The following CCNB3 variants were observed in gnomAD, a reference collection of about 807,000 sequenced individuals.
The protein encoded by CCNB3 is G2/mitotic-specific cyclin-B3.
In CCNB3, 12 loss-of-function variants were observed where a neutral mutation model predicts 68.0. That is an observed-to-expected ratio of 0.18 (90% CI 0.11 to 0.29). The LOEUF is 0.29. Among genes scored for constraint, CCNB3 ranks in the 10% least tolerant of loss-of-function variants. The pLI, the probability that CCNB3 is intolerant of heterozygous loss-of-function variation, is 1.00. For synonymous variants in CCNB3, 354 were observed against 388.9 expected (o/e 0.91, Z 1.06); for missense variants, 904 against 993.1 (o/e 0.91, Z 1.21).
chrX:50,294,864 C>T lies in CCNB3; in HGVS notation c.206C>T (p.Ala69Val). The T allele has an allele frequency of 8.4e-7, 1 of 1,188,156 alleles. No homozygotes were observed. Among genetic ancestry groups the T allele is most frequent in the African/African-American group, 1.8e-5 (1 of 56,210 alleles). ...KRSAFEDLTNASQCQPVQPKK... is the reference protein window; with the variant it reads ...KRSAFEDLTNVSQCQPVQPKK... ...CCCAACCCACCTTTTTTTTTGCAGG[C>T]TTCTCAATGTCAACCTGTCCAGCCC... The change falls in exon 5 of 13, where the codon GCT becomes GTT. Residue 69 changes from alanine to valine, a missense_variant and splice_region_variant. By Grantham distance (64) the Ala-to-Val change is moderately conservative (BLOSUM62 0). Coordinates refer to ENST00000376042, the MANE Select transcript of CCNB3 (RefSeq NM_033031.3).
At chrX:50,340,109 A>G (rs1923047607) in intron 8 of CCNB3, among the ~76,000 whole-genome samples, 1 of 112,042 alleles carries the variant, frequency 8.9e-6, no homozygotes. Context: ...CTGAACCATT[A>G]TATTTGACCA....
chrX:50,320,356 G>C (rs1365778532), intron 8 of CCNB3, among the ~76,000 whole-genome samples: 1 of 110,608 alleles, frequency 9.0e-6, no homozygotes, highest in Non-Finnish European at 1.9e-5. Flanking sequence ...TTGGTAGTTT[G>C]TGGTTTTCAA....
intron 1 of CCNB3, among the ~76,000 whole-genome samples, chrX:50,220,306 T>C (rs1935647444): frequency 8.9e-6 from 1 of 111,761 alleles, no homozygotes; most frequent in African/African-American, 3.3e-5. Context: ...AATACTATGC[T>C]GAATAGGAGT....
At chrX:50,288,108 A>G (rs1330148458) in intron 3 of CCNB3, among the ~76,000 whole-genome samples, 4 of 107,122 alleles carry the variant, frequency 3.7e-5, no homozygotes, top group Non-Finnish European at 7.6e-5. Context: ...ATTCTACATT[A>G]TGGCGAGTTA....
At chrX:50,281,013 C>T (rs1424892241) in intron 1 of CCNB3, among the ~76,000 whole-genome samples, 2 of 110,630 alleles carry the variant, frequency 1.8e-5, no homozygotes, top group East Asian at 2.8e-4. Context: ...CGCCCCAACT[C>T]GCTCTCCCAA....
rs145542906 is a variant in CCNB3 at position 50,342,160 on chromosome X, C to G, written c.3517-42C>G. 1.8e-3 allele frequency: 2,210 copies of G among 1,205,588 alleles called. 31 individuals carry two copies. In the African/African-American group the frequency reaches 0.035, roughly 19 times the overall value. Reference sequence around the variant, plus strand: ...GATCTGTCTGGAGGCGACTTTGGAGCTGGACAATATGCAGATCTGTGTCGT... The same window carrying G: ...GATCTGTCTGGAGGCGACTTTGGAGGTGGACAATATGCAGATCTGTGTCGT... On this transcript the variant is annotated intron_variant, in intron 8 of 12. Transcript: ENST00000376042.
Position 50,343,564 on chromosome X carries a change from G to A in CCNB3, c.3654+1225G>A, listed in dbSNP as rs782509298. On this transcript the variant is annotated intron_variant, in intron 9 of 12. Transcript: ENST00000376042. ...ACAAAAAAATAAAGCAGATTAGCTG[G>A]GTATTGTGGCACATACCTGTGGTCC... Among the ~76,000 whole-genome samples the A allele has an allele frequency of 3.6e-5, 4 of 111,310 alleles. No homozygotes were observed. In the South Asian group the frequency reaches 1.2e-3, roughly 32 times the overall value.
At chrX:50,291,440 T>C (rs1557210098) in intron 4 of CCNB3, among the ~76,000 whole-genome samples, 1 of 111,505 alleles carries the variant, frequency 9.0e-6, no homozygotes, top group African/African-American at 3.3e-5. Flanking sequence ...TTATGTATTC[T>C]TTTTGTAGAG....
chrX:50,309,664 G>A lies in CCNB3; in HGVS notation c.1495G>A (p.Gly499Arg). 1 of 1,210,158 alleles carries A rather than the reference G, an allele frequency of 8.3e-7. No individual in the cohort carries two copies. Among genetic ancestry groups the A allele is most frequent in the Non-Finnish European group, 1.1e-6 (1 of 895,030 alleles). The change falls in exon 6 of 13, where the codon GGG becomes AGG. Residue 499 changes from glycine to arginine, a missense_variant. This residue lies in a region of CCNB3 where 619 missense variants were observed against 609.8 expected (regional missense o/e 1.02). Coordinates refer to ENST00000376042, the MANE Select transcript of CCNB3 (RefSeq NM_033031.3). ...LILKRKHATQ[G>R]TMSHLKKPLI... ...TTTAAAGAGGAAGCATGCCACTCAG[G>A]GGACAATGTCCCACTTGAAGAAACC...
At chrX:50,299,955 C>T (rs1428059741) in intron 5 of CCNB3, among the ~76,000 whole-genome samples, 2 of 111,127 alleles carry the variant, frequency 1.8e-5, no homozygotes, top group Non-Finnish European at 3.8e-5. Context: ...AGGATTGCAA[C>T]CCCTGCCTTT....
At chrX:50,314,510 A>G (rs1921627724) in intron 8 of CCNB3, among the ~76,000 whole-genome samples, 1 of 112,250 alleles carries the variant, frequency 8.9e-6, no homozygotes. Flanking sequence ...AAGAATTGCT[A>G]TGGAGTTTGC....
chrX:50,213,032 T>A (rs1486614499), intron 1 of CCNB3, among the ~76,000 whole-genome samples: 4 of 111,903 alleles, frequency 3.6e-5, no homozygotes, highest in African/African-American at 1.3e-4. Flanking sequence ...GGTAATCCTC[T>A]CCAAATCCAA....
chrX:50,203,101 G>A (rs1415657532), upstream of CCNB3, among the ~76,000 whole-genome samples: 1 of 111,574 alleles, frequency 9.0e-6, no homozygotes, highest in Non-Finnish European at 1.9e-5. Context: ...CAAAAGCCTT[G>A]GTCATCATTT....
chrX:50,224,893 A>C (rs961670622), intron 1 of CCNB3, among the ~76,000 whole-genome samples: 1 of 111,563 alleles, frequency 9.0e-6, no homozygotes, highest in Non-Finnish European at 1.9e-5. Context: ...AAACTTTTCC[A>C]TGTCTCAGGA....
At chrX:50,346,852 G>A in intron 10 of CCNB3, 45 bp downstream of exon 10, 2 of 1,165,022 alleles carry the variant, frequency 1.7e-6, no homozygotes. Context: ...TGCTGAGTTA[G>A]TCTCCTTTAT....
intron 5 of CCNB3, among the ~76,000 whole-genome samples, chrX:50,305,096 G>A (rs1936733555): frequency 8.9e-6 from 1 of 111,780 alleles, no homozygotes; most frequent in East Asian, 2.8e-4. Context: ...AGTCAGTGTG[G>A]CGATTCCTCA....
chrX:50,342,106 C>G, intron 8 of CCNB3, 96 bp from the exon 9 acceptor site: 1 of 1,017,774 alleles, frequency 9.8e-7, no homozygotes, highest in Non-Finnish European at 1.4e-6. Context: ...CAGGACTGTT[C>G]TTGATGTTGC....
At chrX:50,226,958 A>ATATATATAGAATATATATAG (rs1935854965) in intron 1 of CCNB3, among the ~76,000 whole-genome samples, 1 of 76,830 alleles carries the variant, frequency 1.3e-5, no homozygotes, top group African/African-American at 5.4e-5. Context: ...TATATATAGT[A>ATATATATAGAATATATATAG]TATATATAGA....
At chrX:50,297,202 C>T (rs2147039797) in intron 5 of CCNB3, among the ~76,000 whole-genome samples, 2 of 111,698 alleles carry the variant, frequency 1.8e-5, no homozygotes, top group South Asian at 7.6e-4. Context: ...GAAATCCTTG[C>T]CCATGCCTAT....
Sources: gnomAD v4.1 joint callset for allele counts (sites outside exome capture counted in the v4.1 genomes callset) on GRCh38, gnomAD v4.1.1 for gene constraint, gnomAD v4.1.1 regional missense constraint, MANE v1.5 for transcripts, NCBI Gene and HGNC (gene_info 2026-07-23, HGNC 2026-07-21) for gene names.